Variants in SLC9A4 observed in about 807,000 individuals in gnomAD.
SLC9A4 encodes solute carrier family 9 member A4, also known as sodium/hydrogen exchanger 4.
SLC9A4 carries 63 observed loss-of-function variants against 67.4 expected under a neutral mutation model. The ratio of observed to expected loss-of-function variants is 0.93; its 90% confidence interval spans 0.76 to 1.15. The LOEUF (loss-of-function observed/expected upper bound fraction) is 1.15. Among genes scored for constraint, SLC9A4 ranks in the 50% most tolerant of loss-of-function variants. The pLI is 0.00. For missense variants in SLC9A4, 1,089 were observed against 987.7 expected (o/e 1.10, Z -1.38); for synonymous variants, 393 against 367.2 (o/e 1.07, Z -0.80).
intron 8 of SLC9A4, among the ~76,000 whole-genome samples, chr2:102,518,892 G>A (rs1173941691): frequency 1.3e-5 from 2 of 152,018 alleles, no homozygotes; most frequent in African/African-American, 2.4e-5. Flanking sequence ...ACCCATTAAG[G>A]TTTATATCAA....
Position 102,505,289 on chromosome 2 carries a change from T to A in SLC9A4, c.1016T>A (p.Val339Glu), listed in dbSNP as rs200358587. 139 of 1,613,990 alleles carry A rather than the reference T, an allele frequency of 8.6e-5. No individual in the cohort carries two copies. The highest frequency in any genetic ancestry group is 1.1e-4 in the Non-Finnish European group (133 of 1,180,026). ...TGCGCAGTAACAATGAAAAAGTACG[T>A]GGAAGAAAACGTGTCCCAGACATCA... ...TACAVTMKKYVEENVSQTSYT... is the reference protein window; with the variant it reads ...TACAVTMKKYEEENVSQTSYT... The change falls in exon 4 of 12, where the codon GTG (valine) becomes GAG (glutamate). Residue 339 changes from valine (V) to glutamate (E), a missense_variant. By Grantham distance (121) the Val-to-Glu change is moderately radical. Coordinates refer to ENST00000295269, the MANE Select transcript of SLC9A4 (RefSeq NM_001011552.4).
chr2:102,502,660 G>A lies in SLC9A4; in HGVS notation c.721-788G>A, dbSNP rs558537150. Reference sequence around the variant, plus strand: ...TTATCCAGACTGGAGTTGGTCTGGAGTTGGTGGGCAAACAATCGACCACCC... The same window carrying A: ...TTATCCAGACTGGAGTTGGTCTGGAATTGGTGGGCAAACAATCGACCACCC... On this transcript the variant is annotated intron_variant, in intron 2 of 11. Coordinates refer to ENST00000295269, the MANE Select transcript of SLC9A4 (RefSeq NM_001011552.4). 9.8e-5 allele frequency among the ~76,000 whole-genome samples: 15 copies of A among 152,348 alleles called. No homozygotes were observed. In the East Asian group the frequency reaches 2.9e-3, roughly 29 times the overall value.
intron 2 of SLC9A4, among the ~76,000 whole-genome samples, chr2:102,503,118 G>A (rs954761936): frequency 3.9e-5 from 6 of 152,176 alleles, no homozygotes; most frequent in Admixed American, 6.5e-5. Flanking sequence ...TTGCTTAAAG[G>A]AATTCCATTG....
At chr2:102,486,265 T>C (rs1453760007) in intron 2 of SLC9A4, among the ~76,000 whole-genome samples, 1 of 152,144 alleles carries the variant, frequency 6.6e-6, no homozygotes, top group South Asian at 2.1e-4. Flanking sequence ...TATGGAGATA[T>C]GGTTGATGGA....
intron 11 of SLC9A4, among the ~76,000 whole-genome samples, chr2:102,529,009 T>C (rs920651633): frequency 6.6e-6 from 1 of 152,216 alleles, no homozygotes; most frequent in Non-Finnish European, 1.5e-5. Context: ...GTCTCATACA[T>C]GCAGGATACG....
Position 102,508,220 on chromosome 2 carries a change from C to G in SLC9A4, c.1340C>G (p.Pro447Arg). The change falls in exon 5 of 12, where the codon CCT (proline) becomes CGT (arginine). Residue 447 changes from proline to arginine, a missense_variant. Coordinates refer to ENST00000295269, the MANE Select transcript of SLC9A4 (RefSeq NM_001011552.4). ...LAFLLPLSLFPRKKMFVTATL... is the reference protein window; with the variant it reads ...LAFLLPLSLFRRKKMFVTATL... ...TTTTTGCTTCCTCTGTCTCTTTTTC[C>G]TAGGAAGAAAATGTTTGTCACTGCT... 6 of 1,614,076 alleles carry G rather than the reference C, an allele frequency of 3.7e-6. No individual in the cohort carries two copies. The highest frequency in any genetic ancestry group is 5.1e-6 in the Non-Finnish European group (6 of 1,180,024).
chr2:102,477,401 C>G (rs1193681573), intron 1 of SLC9A4, among the ~76,000 whole-genome samples: 6 of 152,208 alleles, frequency 3.9e-5, no homozygotes, highest in Non-Finnish European at 8.8e-5. Context: ...AAAAGCTTCT[C>G]TGATAAACAT....
chr2:102,512,129 G>A, intron 6 of SLC9A4, 74 bp from the exon 7 acceptor site: 1 of 1,514,134 alleles, frequency 6.6e-7, no homozygotes, highest in Non-Finnish European at 9.1e-7. Flanking sequence ...GTTTTTTAAA[G>A]TGTCTTAGTT....
rs753261230 is a variant in SLC9A4 at position 102,505,244 on chromosome 2, C to T, written c.981-10C>T. 2 of 1,612,192 alleles carry T rather than the reference C, an allele frequency of 1.2e-6. No homozygotes were observed. Among genetic ancestry groups the T allele is most frequent in the Non-Finnish European group, 1.7e-6 (2 of 1,179,132 alleles). ...CATGGATTTTCTCTGAGACTCTGCT[C>T]CTTTTATAGAATCACAGCCTGCGCA... On this transcript the variant is annotated splice_polypyrimidine_tract_variant and intron_variant, in intron 3 of 11. Transcript: ENST00000295269.
At position 102,503,676 on chromosome 2, in the gene SLC9A4, G is replaced by A. The variant is rs1684990894; in HGVS notation, c.949G>A (p.Ala317Thr). The change falls in exon 3 of 12, where the codon GCT becomes ACT. Residue 317 changes from alanine to threonine, a missense_variant. Coordinates refer to ENST00000295269, the MANE Select transcript of SLC9A4 (RefSeq NM_001011552.4). Reference sequence around the variant, plus strand: ...GTTCAGCTATTTGTCTTACTTAGCTGCTGAAACCCTCTATCTCTCCGGCAT... The same window carrying A: ...GTTCAGCTATTTGTCTTACTTAGCTACTGAAACCCTCTATCTCTCCGGCAT... ...FMFSYLSYLAAETLYLSGILA... is the reference protein window; with the variant it reads ...FMFSYLSYLATETLYLSGILA... 1.9e-6 allele frequency: 3 copies of A among 1,614,056 alleles called. No individual in the cohort carries two copies. Among genetic ancestry groups the A allele is most frequent in the Non-Finnish European group, 2.5e-6 (3 of 1,180,036 alleles).
chr2:102,512,674 A>T (rs550368116), intron 7 of SLC9A4, among the ~76,000 whole-genome samples: 1 of 152,276 alleles, frequency 6.6e-6, no homozygotes, highest in Non-Finnish European at 1.5e-5. Flanking sequence ...ATTGTTGGGG[A>T]GGCCATGGTG....
intron 2 of SLC9A4, among the ~76,000 whole-genome samples, chr2:102,495,267 T>G (rs1684783389): frequency 1.3e-5 from 2 of 152,064 alleles, no homozygotes; most frequent in African/African-American, 4.8e-5. Context: ...ATCTTTTAAA[T>G]AACATTAAAA....
At chr2:102,521,296 T>C (rs1051826132) in intron 9 of SLC9A4, among the ~76,000 whole-genome samples, 2 of 152,202 alleles carry the variant, frequency 1.3e-5, no homozygotes, top group African/African-American at 4.8e-5. Flanking sequence ...GGATGCAGTT[T>C]CCAAGATAGC....
In SLC9A4 at chr2:102,478,945, G is replaced by T. The variant is rs11692304; in HGVS notation, c.363G>T (p.Ser121=). Residue 121 remains serine (S), a synonymous_variant, in exon 2 of 12, where the codon TCG becomes TCT. Transcript: ENST00000295269. Reference sequence around the variant, plus strand: ...TCATCTTCGGCACCGACCACAAATCGCCTCCGGTCATGGACTCCAGCATCT... The same window carrying T: ...TCATCTTCGGCACCGACCACAAATCTCCTCCGGTCATGGACTCCAGCATCT... The part of the protein sequence containing the change: ...GGIIFGTDHK[S]PPVMDSSIYF... 23 of 1,613,848 alleles carry T rather than the reference G, an allele frequency of 1.4e-5. No homozygotes were observed. Among genetic ancestry groups the T allele is most frequent in the Non-Finnish European group, 1.9e-5 (23 of 1,179,978 alleles).
chr2:102,529,272 T>C, intron 11 of SLC9A4, among the ~76,000 whole-genome samples: 1 of 152,188 alleles, frequency 6.6e-6, no homozygotes, highest in East Asian at 1.9e-4. Context: ...CTAAGTTTCA[T>C]CCAGGTGAAC....
At chr2:102,500,950 G>A (rs1684916982) in intron 2 of SLC9A4, among the ~76,000 whole-genome samples, 2 of 123,526 alleles carry the variant, frequency 1.6e-5, no homozygotes, top group Admixed American at 9.0e-5. Context: ...CTGTGGAAAA[G>A]CAACAATCTT....
In SLC9A4 at chr2:102,473,453, T is replaced by C. The variant is rs1008728298; in HGVS notation, c.-307T>C. 8.5e-6 allele frequency: 3 copies of C among 353,008 alleles called. No individual in the cohort carries two copies. Among genetic ancestry groups the C allele is most frequent in the Non-Finnish European group, 1.0e-5 (2 of 193,080 alleles). The allele number at this position is 353,008 out of a possible 1,614,324, so 21.9% of individuals were successfully genotyped here. On this transcript the variant is annotated 5_prime_UTR_variant, in exon 1 of 12. Transcript: ENST00000295269. ...TTAAGTGAAGAGATTTTTATTTCTT[T>C]CATAAATTGCTCAAGCCATGATTGG...
intron 5 of SLC9A4, 34 bp downstream of exon 5, chr2:102,508,315 G>A (rs1166072235): frequency 1.3e-6 from 2 of 1,515,446 alleles, no homozygotes; most frequent in South Asian, 2.4e-5. Context: ...AAATAAATAG[G>A]TTATTTCAGG....
chr2:102,526,360 C>G lies in SLC9A4; in HGVS notation c.2038+14C>G. 6.2e-7 allele frequency: 1 copy of G among 1,612,124 alleles called. No homozygotes were observed. The highest frequency in any genetic ancestry group is 8.5e-7 in the Non-Finnish European group (1 of 1,178,486). On this transcript the variant is annotated intron_variant, in intron 11 of 11. Coordinates refer to ENST00000295269, the MANE Select transcript of SLC9A4 (RefSeq NM_001011552.4). ...CTGGGTTCTCAGGTAAGCTGCCCAC[C>G]TGGCTGCTCTGCTGCTTTTCTGTAG... is the stretch of plus-strand genomic sequence containing the variant.
Sources: gnomAD v4.1 joint callset for allele counts (sites outside exome capture counted in the v4.1 genomes callset) on GRCh38, gnomAD v4.1.1 for gene constraint, MANE v1.5 for transcripts, NCBI Gene and HGNC (gene_info 2026-07-23, HGNC 2026-07-21) for gene names.